Variants in LAMA2 observed in about 807,000 individuals in gnomAD.
LAMA2 encodes laminin subunit alpha 2, also known as laminin subunit alpha-2.
In LAMA2, 269 loss-of-function variants were observed where a neutral mutation model predicts 364.8. The observed-to-expected ratio is 0.74, with a 90% confidence interval of 0.67 to 0.82. The LOEUF (loss-of-function observed/expected upper bound fraction) is 0.82. Ranked by LOEUF, LAMA2 falls within the 40% of genes least tolerant of loss-of-function variation. The probability of loss-of-function intolerance (pLI) is 0.00; values close to 1 mark genes in which losing one functional copy is unlikely to be tolerated. For missense variants in LAMA2, 3,807 were observed against 3,873.2 expected, an observed-to-expected ratio of 0.98 and a Z score of 0.45; for synonymous variants, 1,379 against 1,370.6, an observed-to-expected ratio of 1.01 and a Z score of -0.14.
chr6:129,500,900 C>T (rs1378462372), intron 58 of LAMA2, among the ~76,000 whole-genome samples: 2 of 152,060 alleles, frequency 1.3e-5, no homozygotes, highest in Non-Finnish European at 2.9e-5. Context: ...TGACTGTAAC[C>T]GCAATAATAT....
chr6:129,232,017 T>A (rs981980440), intron 12 of LAMA2, among the ~76,000 whole-genome samples: 1 of 152,122 alleles, frequency 6.6e-6, no homozygotes, highest in Non-Finnish European at 1.5e-5. Flanking sequence ...GATACAGTAG[T>A]GATCACTTAT....
At position 129,516,544 on chromosome 6, in the gene LAMA2, T is replaced by C. The variant is rs1462834232; in HGVS notation, c.*197T>C. 7.2e-6 allele frequency: 3 copies of C among 415,576 alleles called. No individual in the cohort carries two copies. Among genetic ancestry groups the C allele is most frequent in the African/African-American group, 2.0e-5 (1 of 50,902 alleles). 25.7% of individuals were successfully genotyped at this position (415,576 alleles called of 1,614,324 possible). A position where few individuals can be genotyped will look rare whatever the true frequency, so the allele number is the denominator to read the frequency against. ...TCTTTCTCAAGTCTATAAATAATAT[T>C]AAACTGATTATTTCATTCTAAATAA... On this transcript the variant is annotated 3_prime_UTR_variant, in exon 65 of 65. Transcript: ENST00000421865.
At chr6:129,115,577 A>G (rs1023515388) in intron 4 of LAMA2, among the ~76,000 whole-genome samples, 1 of 152,090 alleles carries the variant, frequency 6.6e-6, no homozygotes, top group Non-Finnish European at 1.5e-5. Context: ...AACACAAACC[A>G]TGTTTAATCT....
intron 4 of LAMA2, among the ~76,000 whole-genome samples, chr6:129,111,283 A>G (rs1488498587): frequency 6.6e-6 from 1 of 152,038 alleles, no homozygotes; most frequent in Non-Finnish European, 1.5e-5. Flanking sequence ...ATGTTGCTCA[A>G]TTCTGCTACC....
At chr6:129,302,808 T>A (rs1389429633) in intron 22 of LAMA2, among the ~76,000 whole-genome samples, 1 of 152,130 alleles carries the variant, frequency 6.6e-6, no homozygotes, top group Admixed American at 6.5e-5. Flanking sequence ...TCTTTTCTGC[T>A]TCACCGATCT....
chr6:129,110,911 T>A (rs1050029963), intron 4 of LAMA2, among the ~76,000 whole-genome samples: 8 of 138,476 alleles, frequency 5.8e-5, no homozygotes, highest in Non-Finnish European at 7.7e-5. Flanking sequence ...GGTGTGTCAG[T>A]TAATCAGTCT....
Position 128,952,989 on chromosome 6 carries a change from G to A in LAMA2, c.112+69632G>A, listed in dbSNP as rs1015520216. Among the ~76,000 whole-genome samples the A allele has an allele frequency of 3.3e-5, 5 of 152,114 alleles. No homozygotes were observed. The South Asian group carries it at 6.2e-4, about 19-fold the overall frequency. On this transcript the variant is annotated intron_variant, in intron 1 of 64. Transcript: ENST00000421865. ...CTAAAATGGCTACTAGTAGCTACAG[G>A]TTTAGGACCTGGTCCTTAGCAGTTT...
chr6:129,096,616 G>A (rs1287946036), intron 3 of LAMA2, among the ~76,000 whole-genome samples: 1 of 152,160 alleles, frequency 6.6e-6, no homozygotes, highest in African/African-American at 2.4e-5. Context: ...AGACCCCTCA[G>A]GACAAATATC....
Position 129,059,881 on chromosome 6 carries a change from C to A in LAMA2, c.381C>A (p.Thr127=), listed in dbSNP as rs4404787. 0.96 allele frequency: 1,505,428 copies of A among 1,563,004 alleles called. 725,450 individuals are homozygous for A. The highest frequency in any genetic ancestry group is 0.98 in the Admixed American group (58,773 of 59,946). ...NGIEYHYVTI[T]LDLQQVFQIA... ...TCGAATACCATTATGTGACAATTACCCTGGATTTACAGCAGGTATAGTTCC... is the reference window on the plus strand; with the variant it reads ...TCGAATACCATTATGTGACAATTACACTGGATTTACAGCAGGTATAGTTCC... The change falls in exon 3 of 65, where the codon ACC becomes ACA. Residue 127 remains threonine (T), a synonymous_variant. Transcript: ENST00000421865.
chr6:129,290,363 C>G (rs1408173731), intron 19 of LAMA2, among the ~76,000 whole-genome samples: 1 of 152,066 alleles, frequency 6.6e-6, no homozygotes, highest in South Asian at 2.1e-4. Context: ...ATAGACTATC[C>G]GTAGGCTCTT....
intron 3 of LAMA2, among the ~76,000 whole-genome samples, chr6:129,061,204 C>A (rs1788891831): frequency 6.6e-6 from 1 of 152,152 alleles, no homozygotes; most frequent in South Asian, 2.1e-4. Context: ...GAGTTCTCCC[C>A]CTTCATGTGA....
At chr6:129,421,033 T>A (rs1464018587) in intron 40 of LAMA2, among the ~76,000 whole-genome samples, 1 of 152,156 alleles carries the variant, frequency 6.6e-6, no homozygotes, top group Non-Finnish European at 1.5e-5. Context: ...GGTAAATAAA[T>A]CAATTCACTT....
chr6:129,037,497 T>C (rs1786723394), intron 1 of LAMA2, among the ~76,000 whole-genome samples: 1 of 152,162 alleles, frequency 6.6e-6, no homozygotes, highest in African/African-American at 2.4e-5. Flanking sequence ...TTGGTGGTCT[T>C]TACAAACTTG....
intron 31 of LAMA2, among the ~76,000 whole-genome samples, chr6:129,351,625 T>G (rs972829945): frequency 3.3e-5 from 5 of 152,176 alleles, no homozygotes; most frequent in Admixed American, 3.3e-4. Flanking sequence ...TCTTTCGACC[T>G]GCTCAGACTG....
rs146754312 is a variant in LAMA2 at position 129,204,113 on chromosome 6, G to A, written c.1782+11260G>A. ...AAATAAAAATTGACAATCAGAGAGA[G>A]TTAATTTTAGCAAGTACGTAGATTA... On this transcript the variant is annotated intron_variant, in intron 12 of 64. Transcript: ENST00000421865. Among the ~76,000 whole-genome samples, 204 of 152,262 alleles carry A rather than the reference G, an allele frequency of 1.3e-3. 2 individuals carry two copies. Among genetic ancestry groups the A allele is most frequent in the African/African-American group, 4.7e-3 (194 of 41,516 alleles).
intron 1 of LAMA2, among the ~76,000 whole-genome samples, chr6:129,048,493 T>TTTCTTTCCTTCCTTCC (rs1384475895): frequency 5.8e-5 from 3 of 51,352 alleles, no homozygotes; most frequent in African/African-American, 1.5e-4. Context: ...TCTTTCTTTC[T>TTTCTTTCCTTCCTTCC]TTCCTTCCTT....
At chr6:129,500,206 C>T (rs1453722568) in intron 58 of LAMA2, among the ~76,000 whole-genome samples, 1 of 152,132 alleles carries the variant, frequency 6.6e-6, no homozygotes, top group African/African-American at 2.4e-5. Flanking sequence ...TCCTAAGGTA[C>T]ATATTTTTAA....
chr6:129,425,730 C>T (rs1781294970), intron 40 of LAMA2, among the ~76,000 whole-genome samples: 1 of 152,070 alleles, frequency 6.6e-6, no homozygotes, highest in Non-Finnish European at 1.5e-5. Flanking sequence ...TAATGGCCTC[C>T]AACTCCATCC....
intron 15 of LAMA2, among the ~76,000 whole-genome samples, chr6:129,262,006 A>G (rs185789143): frequency 9.2e-5 from 14 of 152,234 alleles, no homozygotes; most frequent in African/African-American, 2.4e-4. Flanking sequence ...TCCTCTCTCA[A>G]TTGGCATAAT....
Sources: allele counts gnomAD v4.1 joint callset (sites outside exome capture counted in the v4.1 genomes callset), GRCh38; gene constraint gnomAD v4.1.1; transcripts MANE v1.5; gene names NCBI Gene and HGNC (gene_info 2026-07-23, HGNC 2026-07-21).